The following PRKDC variants were observed in gnomAD, a reference collection of about 807,000 sequenced individuals.
PRKDC encodes protein kinase, DNA-activated, catalytic subunit.
Under a neutral mutation model 486.9 loss-of-function variants are expected in PRKDC, and 82 were observed. The observed-to-expected ratio is 0.17, with a 90% CI of 0.14 to 0.20. The LOEUF (loss-of-function observed/expected upper bound fraction) is 0.20. Among genes scored for constraint, PRKDC ranks in the 10% least tolerant of loss-of-function variants. The probability of loss-of-function intolerance (pLI) is 1.00; values close to 1 mark genes in which losing one functional copy is unlikely to be tolerated. For missense variants in PRKDC, 4,504 were observed against 5,038.2 expected (o/e 0.89, Z 3.21); for synonymous variants, 1,895 against 1,837.0 (o/e 1.03, Z -0.81).
At chr8:47,863,647 AATTTAATACTTAAT>A (rs1468028594) in intron 41 of PRKDC, 70 bp from the exon 42 acceptor site, 2 of 1,271,974 alleles carry the variant, frequency 1.6e-6, no homozygotes, top group Non-Finnish European at 2.2e-6. Flanking sequence ...GAATATATCA[AATTTAATACTTAAT>A]ATCCTTTAGA....
intron 7 of PRKDC, among the ~76,000 whole-genome samples, chr8:47,948,907 T>C (rs142352003): frequency 5.9e-5 from 9 of 152,388 alleles, no homozygotes; most frequent in African/African-American, 1.9e-4. Flanking sequence ...ATTAGTTTCC[T>C]AGTGTTGCCA....
chr8:47,855,666 A>G (rs2088521064), intron 49 of PRKDC, among the ~76,000 whole-genome samples: 2 of 152,226 alleles, frequency 1.3e-5, no homozygotes, highest in South Asian at 4.1e-4. Context: ...AGGACTCTTT[A>G]TCTGAGGCCC....
chr8:47,864,987 A>G (rs1315237726), intron 40 of PRKDC, among the ~76,000 whole-genome samples: 2 of 152,260 alleles, frequency 1.3e-5, no homozygotes, highest in African/African-American at 4.8e-5. Context: ...TGGGCATTAA[A>G]AAGAAGAATG....
chr8:47,803,336 G>A lies in PRKDC; in HGVS notation c.9892C>T (p.Leu3298Phe), dbSNP rs1376679674. The change falls in exon 70 of 86, where the codon CTC becomes TTC. Residue 3298 changes from leucine (L) to phenylalanine (F), a missense_variant. Coordinates refer to ENST00000314191, the MANE Select transcript of PRKDC (RefSeq NM_006904.7). The part of the protein sequence containing the change: ...SRSQGCSEQV[L>F]TVLKTVSLLD... The stretch of plus-strand genomic sequence containing the variant: ...AAAGAGACTGTTTTCAGCACAGTGA[G>A]CACCTGCTCAGAGCAGCCCTGGGAC... 6.2e-7 allele frequency: 1 copy of A among 1,613,610 alleles called. No individual in the cohort carries two copies. The highest frequency in any genetic ancestry group is 1.7e-5 in the Admixed American group (1 of 59,918).
chr8:47,789,329 T>TG, intron 74 of PRKDC, 91 bp from the exon 75 acceptor site: 2 of 387,664 alleles, frequency 5.2e-6, no homozygotes, highest in Non-Finnish European at 8.2e-6. Flanking sequence ...AAGTTATATA[T>TG]TATACATATA....
At chr8:47,824,037 A>G (rs1416988098) in intron 63 of PRKDC, 41 bp from the exon 64 acceptor site, 13 of 1,468,392 alleles carry the variant, frequency 8.9e-6, no homozygotes, top group Non-Finnish European at 1.0e-5. Flanking sequence ...TGAACACTCC[A>G]GTATTTTAAA....
chr8:47,939,565 C>T lies in PRKDC; in HGVS notation c.1099G>A (p.Gly367Arg). Residue 367 changes from glycine to arginine, a missense_variant, in exon 11 of 86, where the codon GGA becomes AGA. Physicochemically the swap from Gly to Arg is moderately radical, Grantham distance 125. Around this residue, in one of 6 missense-constraint regions of PRKDC, gnomAD observed 1,969 missense variants for 2,068.9 expected, o/e 0.95. Coordinates refer to ENST00000314191, the MANE Select transcript of PRKDC (RefSeq NM_006904.7). ...ATGAGACATACTCCTGCAAAAAGTCCATATCCACGGATAGCAATAGATAAC... is the reference window on the plus strand; with the variant it reads ...ATGAGACATACTCCTGCAAAAAGTCTATATCCACGGATAGCAATAGATAAC... ...KELSIAIRGYGLFAGPCKVIN... is the reference protein window; with the variant it reads ...KELSIAIRGYRLFAGPCKVIN... The T allele has an allele frequency of 1.2e-6, 2 of 1,612,934 alleles. No individual in the cohort carries two copies. The highest frequency in any genetic ancestry group is 1.7e-6 in the Non-Finnish European group (2 of 1,179,482).
At chr8:47,841,846 A>G (rs1315824588) in intron 54 of PRKDC, among the ~76,000 whole-genome samples, 1 of 152,206 alleles carries the variant, frequency 6.6e-6, no homozygotes, top group Non-Finnish European at 1.5e-5. Flanking sequence ...CTGGCTGGTC[A>G]GGCTAGCTAC....
In PRKDC at chr8:47,960,054, A is replaced by G. The variant is rs774485933; in HGVS notation, c.73T>C (p.Cys25Arg). 6 of 1,532,428 alleles carry G rather than the reference A, an allele frequency of 3.9e-6. No homozygotes were observed. Among genetic ancestry groups the G allele is most frequent in the Non-Finnish European group, 3.5e-6 (4 of 1,145,888 alleles). The allele number at this position is 1,532,428 out of a possible 1,614,324, so 94.9% of individuals were successfully genotyped here. A position where few individuals can be genotyped will look rare whatever the true frequency, so the allele number is the denominator to read the frequency against. The part of the protein sequence containing the change: ...LQETLSAADR[C>R]GAALAGHQLI... ...TGATGACCGGCCAGGGCAGCACCGC[A>G]GCGGTCCGCAGCGGACAAGGTCTCC... Residue 25 changes from cysteine (C) to arginine (R), a missense_variant, in exon 1 of 86, where the codon TGC becomes CGC. This residue lies in a region of PRKDC where 145 missense variants were observed against 136.3 expected (regional missense o/e 1.06). Coordinates refer to ENST00000314191, the MANE Select transcript of PRKDC (RefSeq NM_006904.7).
chr8:47,793,432 G>A (rs970700850), intron 74 of PRKDC, among the ~76,000 whole-genome samples: 7 of 152,044 alleles, frequency 4.6e-5, no homozygotes, highest in Non-Finnish European at 8.8e-5. Flanking sequence ...CTGAGGTCAG[G>A]AGTTCGAGAC....
At chr8:47,951,921 A>G (rs971624802) in intron 7 of PRKDC, among the ~76,000 whole-genome samples, 2 of 152,214 alleles carry the variant, frequency 1.3e-5, no homozygotes, top group Non-Finnish European at 2.9e-5. Flanking sequence ...ATCCCTTCGC[A>G]ACCATTAGGC....
At chr8:47,786,973 C>A (rs572522198) in intron 76 of PRKDC, among the ~76,000 whole-genome samples, 1 of 151,838 alleles carries the variant, frequency 6.6e-6, no homozygotes, top group Admixed American at 6.6e-5. Context: ...GTGATCCGCC[C>A]GCCTCGCGCT....
At position 47,777,860 on chromosome 8, in the gene PRKDC, A is replaced by G. The variant is rs1312998326; in HGVS notation, c.11868T>C (p.Pro3956=). The change falls in exon 84 of 86, where the codon CCT becomes CCC. Residue 3956 remains proline (P), a synonymous_variant. Coordinates refer to ENST00000314191, the MANE Select transcript of PRKDC (RefSeq NM_006904.7). ...FGSATQFLPV[P]ELMPFRLTRQ... ...GAGTTAGCCGAAAAGGCATCAACTCAGGGACTGGCAGAAACTAAACAAGAA... is the reference window on the plus strand; with the variant it reads ...GAGTTAGCCGAAAAGGCATCAACTCGGGGACTGGCAGAAACTAAACAAGAA... 6.2e-7 allele frequency: 1 copy of G among 1,613,862 alleles called. No homozygotes were observed. The highest frequency in any genetic ancestry group is 2.2e-5 in the East Asian group (1 of 44,894).
At position 47,863,479 on chromosome 8, in the gene PRKDC, A is replaced by G. The variant is rs772045821; in HGVS notation, c.5670T>C (p.His1890=). 2 of 1,612,300 alleles carry G rather than the reference A, an allele frequency of 1.2e-6. No individual in the cohort carries two copies. The highest frequency in any genetic ancestry group is 1.7e-6 in the Non-Finnish European group (2 of 1,178,834). ...MYSRLPKDDV[H]AKESKINQVF... ...CTTGATTAATTTTTGATTCCTTAGC[A>G]TGAACATCATCTTTGGGAAGGCGAG... Residue 1890 remains histidine, a synonymous_variant, in exon 42 of 86, where the codon CAT becomes CAC. Transcript: ENST00000314191.
intron 29 of PRKDC, among the ~76,000 whole-genome samples, chr8:47,897,759 A>T (rs1406605713): frequency 1.3e-5 from 2 of 152,242 alleles, no homozygotes; most frequent in African/African-American, 4.8e-5. Context: ...ATGTATGCTA[A>T]AGTTAGAACC....
At chr8:47,817,305 A>G in intron 68 of PRKDC, 145 bp downstream of exon 68, 1 of 611,022 alleles carries the variant, frequency 1.6e-6, no homozygotes, top group Non-Finnish European at 2.9e-6. Context: ...CTCTATCGGA[A>G]CTACTTACAT....
intron 21 of PRKDC, among the ~76,000 whole-genome samples, chr8:47,924,169 C>T (rs1482972487): frequency 6.6e-6 from 1 of 152,148 alleles, no homozygotes; most frequent in African/African-American, 2.4e-5. Context: ...TAGGTCCTTA[C>T]TTTCCGGATG....
At chr8:47,942,491 G>A (rs1024957631) in intron 10 of PRKDC, among the ~76,000 whole-genome samples, 3 of 152,206 alleles carry the variant, frequency 2.0e-5, no homozygotes, top group Admixed American at 6.5e-5. Flanking sequence ...TCCCGGCTGT[G>A]ACTCTCAGGC....
chr8:47,820,010 G>C (rs146854409), intron 66 of PRKDC, among the ~76,000 whole-genome samples: 1 of 152,176 alleles, frequency 6.6e-6, no homozygotes, highest in African/African-American at 2.4e-5. Context: ...GAAAAGATTC[G>C]CAGAAAAGCA....
Sources: gnomAD v4.1 joint callset for allele counts (sites outside exome capture counted in the v4.1 genomes callset) on GRCh38, gnomAD v4.1.1 for gene constraint, gnomAD v4.1.1 regional missense constraint, MANE v1.5 for transcripts, NCBI Gene and HGNC (gene_info 2026-07-23, HGNC 2026-07-21) for gene names.